Variants in SAMD12 observed in about 807,000 individuals in gnomAD.
The protein encoded by SAMD12 is sterile alpha motif domain containing 12, also known as sterile alpha motif domain-containing protein 12.
Under a neutral mutation model 15.0 loss-of-function variants are expected in SAMD12, and 9 were observed. The ratio of observed to expected loss-of-function variants is 0.60; its 90% CI spans 0.36 to 1.05. SAMD12 has a LOEUF of 1.05. Among genes scored for constraint, SAMD12 ranks in the 50% least tolerant of loss-of-function variants. SAMD12 has a pLI of 0.01. For missense variants in SAMD12, 230 were observed against 234.2 expected, an observed-to-expected ratio of 0.98 and a Z score of 0.12; for synonymous variants, 86 against 90.1, an observed-to-expected ratio of 0.96 and a Z score of 0.25.
chr8:118,438,066 G>T (rs1380638766), intron 3 of SAMD12, among the ~76,000 whole-genome samples: 2 of 152,174 alleles, frequency 1.3e-5, no homozygotes, highest in African/African-American at 4.8e-5. Context: ...TTACAGTTAG[G>T]AGTAGAATAA....
chr8:118,448,199 A>G (rs1822975780), intron 2 of SAMD12, among the ~76,000 whole-genome samples: 1 of 152,146 alleles, frequency 6.6e-6, no homozygotes, highest in Admixed American at 6.5e-5. Context: ...GCCTTTGAGA[A>G]TTGTTCAAAT....
chr8:118,538,994 A>G, intron 2 of SAMD12, among the ~76,000 whole-genome samples: 1 of 152,230 alleles, frequency 6.6e-6, no homozygotes, highest in Non-Finnish European at 1.5e-5. Context: ...GAGGTAGCAA[A>G]TTACCTAACT....
intron 4 of SAMD12, among the ~76,000 whole-genome samples, chr8:118,263,501 C>T (rs1005265490): frequency 6.6e-6 from 1 of 151,642 alleles, no homozygotes; most frequent in African/African-American, 2.4e-5. Flanking sequence ...ACAAATGTAC[C>T]CCAGAAAAAA....
chr8:118,379,274 T>A lies in SAMD12; in HGVS notation c.*143A>T. On this transcript the variant is annotated 3_prime_UTR_variant, in exon 4 of 4. Coordinates refer to ENST00000314727, the MANE Select transcript of SAMD12 (RefSeq NM_207506.3). ...CCTGATTGATGTGACTGGTATTCTC[T>A]GGGGTTGTGCAGTACACAATCCATA... 3 of 1,436,296 alleles carry A rather than the reference T, an allele frequency of 2.1e-6. No individual in the cohort carries two copies. Among genetic ancestry groups the A allele is most frequent in the Non-Finnish European group, 2.7e-6 (3 of 1,096,572 alleles). 89.0% of individuals were successfully genotyped at this position (1,436,296 alleles called of 1,614,324 possible).
intron 1 of SAMD12, among the ~76,000 whole-genome samples, chr8:118,584,109 T>C: frequency 6.6e-6 from 1 of 152,216 alleles, no homozygotes; most frequent in East Asian, 1.9e-4. Flanking sequence ...GGAGGCAGAA[T>C]ACAGTTTTTT....
chr8:118,145,393 A>G, the SAMD12 span, among the ~76,000 whole-genome samples: 14 of 152,220 alleles, frequency 9.2e-5, no homozygotes. Context: ...CCTGTGAATT[A>G]TATAAGATCA....
At chr8:118,380,725 G>T (rs1483914904) in intron 3 of SAMD12, among the ~76,000 whole-genome samples, 3 of 152,130 alleles carry the variant, frequency 2.0e-5, no homozygotes, top group Non-Finnish European at 4.4e-5. Context: ...GATGTCTTTA[G>T]GTATATTATC....
intron 4 of SAMD12, among the ~76,000 whole-genome samples, chr8:118,207,425 T>G (rs908079847): frequency 4.6e-5 from 7 of 152,172 alleles, no homozygotes; most frequent in Non-Finnish European, 5.9e-5. Context: ...GCCATTACAT[T>G]CTGACAGCCA....
intron 2 of SAMD12, among the ~76,000 whole-genome samples, chr8:118,473,891 G>A (rs1318877227): frequency 6.6e-6 from 1 of 152,142 alleles, no homozygotes; most frequent in African/African-American, 2.4e-5. Flanking sequence ...ACAAATCTGG[G>A]ATGGTTTAAA....
intron 1 of SAMD12, among the ~76,000 whole-genome samples, chr8:118,600,897 G>A (rs1302479957): frequency 1.3e-5 from 2 of 151,950 alleles, no homozygotes; most frequent in Admixed American, 6.6e-5. Context: ...TGTTAAAAGA[G>A]GATAGAGAAT....
At position 118,488,839 on chromosome 8, in the gene SAMD12, G is replaced by T. The variant is rs559172592; in HGVS notation, c.193-48878C>A. ...ACATTCTTGTACAAGTCTTTGTTTG[G>T]ATACATTTTCATTTCTCTTGGGTAA... On this transcript the variant is annotated intron_variant, in intron 2 of 3. Transcript: ENST00000314727. 2.0e-5 allele frequency among the ~76,000 whole-genome samples: 3 copies of T among 152,250 alleles called. No individual in the cohort carries two copies. In the East Asian group the frequency reaches 5.8e-4, roughly 29 times the overall value.
At chr8:118,575,254 T>C (rs1252475168) in intron 2 of SAMD12, among the ~76,000 whole-genome samples, 1 of 152,208 alleles carries the variant, frequency 6.6e-6, no homozygotes, top group Non-Finnish European at 1.5e-5. Context: ...CTGCCAAAGA[T>C]TCACATAATG....
downstream of SAMD12, among the ~76,000 whole-genome samples, chr8:118,184,900 G>A (rs113261882): frequency 9.8e-6 from 1 of 101,764 alleles, no homozygotes; most frequent in Admixed American, 1.0e-4. Flanking sequence ...GATACCATTT[G>A]TTCTTTTTTT....
downstream of SAMD12, among the ~76,000 whole-genome samples, chr8:118,186,817 TGA>T (rs1284618323): frequency 6.6e-6 from 1 of 152,056 alleles, no homozygotes; most frequent in South Asian, 2.1e-4. Flanking sequence ...AGGTTCTTCC[TGA>T]GAGAGAGAGA....
At chr8:118,539,498 A>G (rs1825934283) in intron 2 of SAMD12, among the ~76,000 whole-genome samples, 1 of 152,146 alleles carries the variant, frequency 6.6e-6, no homozygotes, top group South Asian at 2.1e-4. Context: ...TTTTTATGAC[A>G]TCTATCTGAT....
At chr8:118,138,747 G>C in the SAMD12 span, among the ~76,000 whole-genome samples, 1 of 152,114 alleles carries the variant, frequency 6.6e-6, no homozygotes, top group Non-Finnish European at 1.5e-5. Flanking sequence ...GAAGACACAG[G>C]GCCACTAACA....
intron 4 of SAMD12, among the ~76,000 whole-genome samples, chr8:118,255,482 C>T (rs1812915291): frequency 6.7e-6 from 1 of 149,372 alleles, no homozygotes; most frequent in South Asian, 2.2e-4. Context: ...TTAGGTCTAT[C>T]TCCTAATGCT....
intron 4 of SAMD12, among the ~76,000 whole-genome samples, chr8:118,328,961 G>A (rs1816687073): frequency 6.6e-6 from 1 of 152,258 alleles, no homozygotes; most frequent in Middle Eastern, 3.4e-3. Context: ...TCTCCTCAGC[G>A]CTAAAGTAGG....
At position 118,549,189 on chromosome 8, in the gene SAMD12, A is replaced by C. The variant is rs183736162; in HGVS notation, c.192+31526T>G. On this transcript the variant is annotated intron_variant, in intron 2 of 3. Transcript: ENST00000314727. ...TGAAGAGAGCAGTGGTTCTCCCAGC[A>C]CACAGCTGGAGATCTGAGAACGGGC... is the stretch of plus-strand genomic sequence containing the variant. 2.7e-3 allele frequency among the ~76,000 whole-genome samples: 408 copies of C among 152,360 alleles called. 17 individuals are homozygous for C. The East Asian group carries it at 0.069, about 26-fold the overall frequency.
Sources: allele counts gnomAD v4.1 joint callset (sites outside exome capture counted in the v4.1 genomes callset), GRCh38; gene constraint gnomAD v4.1.1; transcripts MANE v1.5; gene names NCBI Gene and HGNC (gene_info 2026-07-23, HGNC 2026-07-21).